Variants in OASL observed in about 807,000 individuals in gnomAD.
The protein encoded by OASL is 2'-5'-oligoadenylate synthetase like, also known as 2'-5'-oligoadenylate synthase-like protein.
In OASL, 28 loss-of-function variants were observed where a neutral mutation model predicts 35.3. That is an observed-to-expected ratio of 0.79 (90% CI 0.59 to 1.09). OASL has a LOEUF of 1.09. OASL is among the 50% of genes least tolerant of loss of function. OASL has a pLI of 0.00. For synonymous variants in OASL, 252 were observed against 254.6 expected (o/e 0.99, Z 0.10); for missense variants, 620 against 635.2 (o/e 0.98, Z 0.26).
chr12:121,031,442 C>T (rs1283640103), exon 3 of OASL: 1 of 1,613,046 alleles, frequency 6.2e-7, no homozygotes. Context: ...GCCCCCTCAC[C>T]TGCTGGTACC....
chr12:121,038,939 T>C lies in OASL; in HGVS notation c.33A>G (p.Pro11=). The C allele has an allele frequency of 1.9e-6, 3 of 1,614,218 alleles. No individual in the cohort carries two copies. In the South Asian group the frequency reaches 3.3e-5, roughly 18 times the overall value. ...CCACGAAGGAGTCCAGCCTGGAGGC[T>C]GGTGTGCTATACAGTTCCTGCATCA... The change falls in exon 1 of 6, where the codon CCA becomes CCG. Residue 11 remains proline, a synonymous_variant. Transcript: ENST00000257570.
chr12:121,033,356 G>A, intron 2 of OASL, 105 bp downstream of exon 2: 1 of 1,147,436 alleles, frequency 8.7e-7, no homozygotes, highest in Non-Finnish European at 1.3e-6. Flanking sequence ...CAGATGAAAT[G>A]AATAAATGTG....
At chr12:121,019,302 T>A (rs997868817) in exon 6 of OASL, 1 of 152,194 alleles carries the variant, frequency 6.6e-6, no homozygotes, top group Admixed American at 6.5e-5. Context: ...ATTGCTAAAT[T>A]GACCAGAGGC....
rs748864742 is a variant in OASL, at chr12:121,024,104, G to A, written c.933C>T (p.Leu311=). The A allele has an allele frequency of 9.3e-6, 15 of 1,614,036 alleles. No homozygotes were observed. The East Asian group carries it at 3.1e-4, about 34-fold the overall frequency. Residue 311 remains leucine (L), a synonymous_variant, in exon 5 of 6, where the codon CTC becomes CTT. Coordinates refer to ENST00000257570, the Ensembl canonical transcript of OASL. ...CCCATCTGTACCCTTCTGCCACGTTGAGGGTGGGGTCGGCCGGATCCAGGA... is the reference window on the plus strand; with the variant it reads ...CCCATCTGTACCCTTCTGCCACGTTAAGGGTGGGGTCGGCCGGATCCAGGA...
intron 1 of OASL, 33 bp downstream of exon 1, chr12:121,038,741 T>C (rs1200761714): frequency 6.2e-7 from 1 of 1,610,196 alleles, no homozygotes; most frequent in Admixed American, 1.7e-5. Context: ...CTGGGTTTTG[T>C]CTTGCGTGGG....
At chr12:121,027,932 G>T in intron 3 of OASL, 115 bp from the exon 4 acceptor site, 1 of 837,944 alleles carries the variant, frequency 1.2e-6, no homozygotes, top group Non-Finnish European at 1.9e-6. Flanking sequence ...CTGCCTACTG[G>T]CTGTGTGACC....
intron 2 of OASL, 34 bp from the exon 3 acceptor site, chr12:121,031,651 G>A (rs755260900): frequency 1.3e-6 from 2 of 1,591,170 alleles, no homozygotes; most frequent in Non-Finnish European, 1.7e-6. Context: ...AGAGATTGGG[G>A]ATTGAGGAAG....
chr12:121,027,184 T>A (rs1869523064), intron 4 of OASL, among the ~76,000 whole-genome samples: 1 of 152,338 alleles, frequency 6.6e-6, no homozygotes, highest in Non-Finnish European at 1.5e-5. Context: ...GGTTCCAGTT[T>A]ACTCCTGTCT....
exon 6 of OASL, chr12:121,020,636 C>A (rs1321070081): frequency 2.5e-6 from 4 of 1,614,010 alleles, no homozygotes; most frequent in Admixed American, 1.7e-5. Context: ...TGCCATAGAT[C>A]CCCAGACCCA....
intron 2 of OASL, among the ~76,000 whole-genome samples, chr12:121,033,225 G>A (rs1164966913): frequency 2.6e-5 from 4 of 152,008 alleles, no homozygotes; most frequent in Non-Finnish European, 5.9e-5. Context: ...CGCCCAGGCT[G>A]CAATCATGTA....
At chr12:121,023,851 A>G (rs1869359771) in intron 5 of OASL, 139 bp downstream of exon 5, 1 of 966,464 alleles carries the variant, frequency 1.0e-6, no homozygotes, top group Non-Finnish European at 1.5e-6. Flanking sequence ...CACGGAGCCC[A>G]TGGGTGGTGC....
intron 3 of OASL, among the ~76,000 whole-genome samples, chr12:121,029,979 T>A (rs1054196455): frequency 6.6e-6 from 1 of 151,970 alleles, no homozygotes; most frequent in Non-Finnish European, 1.5e-5. Context: ...TGATCCTTCC[T>A]CCTCAGCCTC....
chr12:121,029,631 T>C (rs1348343240), intron 3 of OASL, among the ~76,000 whole-genome samples: 1 of 151,692 alleles, frequency 6.6e-6, no homozygotes, highest in Non-Finnish European at 1.5e-5. Context: ...GAGCTTGCAG[T>C]GAGCTGAGAT....
In OASL at chr12:121,033,553, T is replaced by TG. The variant is rs766041481; in HGVS notation, c.388dup (p.Gln130ProfsTer43). Reference sequence around the variant, plus strand: ...GAAGACGAGAGCATCGGGGACTCTCTGCTCCATCCTCAGGTCCTCGAGCCC... The same window carrying TG: ...GAAGACGAGAGCATCGGGGACTCTCTGGCTCCATCCTCAGGTCCTCGAGCCC... On this transcript the variant is annotated frameshift_variant, in exon 2 of 6. Transcript: ENST00000257570. LOFTEE classifies it high-confidence loss of function. 6.2e-7 allele frequency: 1 copy of TG among 1,614,174 alleles called. No homozygotes were observed. Among genetic ancestry groups the TG allele is most frequent in the South Asian group, 1.1e-5 (1 of 91,088 alleles).
chr12:121,021,501 G>A (rs904528569), intron 5 of OASL, among the ~76,000 whole-genome samples: 5 of 152,232 alleles, frequency 3.3e-5, no homozygotes, highest in Non-Finnish European at 7.3e-5. Flanking sequence ...GCCTCTAGCT[G>A]ATTCTTTCCA....
chr12:121,032,806 C>T (rs1869788722), intron 2 of OASL, among the ~76,000 whole-genome samples: 1 of 152,182 alleles, frequency 6.6e-6, no homozygotes, highest in African/African-American at 2.4e-5. Context: ...TCAGAGCCTC[C>T]TGAATGTTGT....
intron 1 of OASL, 88 bp downstream of exon 1, chr12:121,038,686 G>A (rs1870052434): frequency 1.5e-6 from 2 of 1,291,400 alleles, no homozygotes; most frequent in Admixed American, 1.8e-5. Flanking sequence ...CTAGGGATAA[G>A]GAGGACAGGG....
At chr12:121,038,670 C>T (rs1870051764) in intron 1 of OASL, 104 bp downstream of exon 1, 9 of 1,079,902 alleles carry the variant, frequency 8.3e-6, no homozygotes, top group Non-Finnish European at 6.9e-6. Context: ...ATGTCATCAG[C>T]ATGGGCTAGG....
intron 1 of OASL, among the ~76,000 whole-genome samples, chr12:121,035,503 C>A (rs1002794436): frequency 3.5e-5 from 5 of 143,848 alleles, no homozygotes; most frequent in African/African-American, 1.3e-4. Flanking sequence ...CCAGCCTGGG[C>A]GACACAGCGA....
Sources: allele counts gnomAD v4.1 joint callset (sites outside exome capture counted in the v4.1 genomes callset), GRCh38; gene constraint gnomAD v4.1.1; transcripts MANE v1.5; gene names NCBI Gene and HGNC (gene_info 2026-07-23, HGNC 2026-07-21).